Variants in CLIC4 observed in about 807,000 individuals in gnomAD.
CLIC4 encodes chloride intracellular channel protein 4.
CLIC4 carries 13 observed loss-of-function variants against 24.6 expected under a neutral mutation model. The observed-to-expected ratio is 0.53, with a 90% CI of 0.34 to 0.84. CLIC4 has a LOEUF of 0.84. Among genes scored for constraint, CLIC4 ranks in the 40% least tolerant of loss-of-function variants. The pLI, the probability that CLIC4 is intolerant of heterozygous loss-of-function variation, is 0.01. For synonymous variants in CLIC4, 104 were observed against 111.3 expected, an observed-to-expected ratio of 0.93 and a Z score of 0.41; for missense variants, 227 against 301.7, an observed-to-expected ratio of 0.75 and a Z score of 1.83.
chr1:24,816,376 A>AT (rs1639669267), intron 3 of CLIC4, among the ~76,000 whole-genome samples: 2 of 150,710 alleles, frequency 1.3e-5, no homozygotes. Flanking sequence ...AGTAGCTGGG[A>AT]TTACAGGTGC....
intron 1 of CLIC4, among the ~76,000 whole-genome samples, chr1:24,756,308 G>A (rs1245708939): frequency 6.6e-6 from 1 of 152,114 alleles, no homozygotes; most frequent in Non-Finnish European, 1.5e-5. Flanking sequence ...TAACATTAGT[G>A]TTTTGAAAAA....
intron 1 of CLIC4, chr1:24,771,858 A>G (rs1052606485): frequency 7.8e-6 from 4 of 514,698 alleles, no homozygotes; most frequent in South Asian, 5.6e-5. Flanking sequence ...TCCTATGTGT[A>G]TCCTAATTGA....
chr1:24,806,898 G>A lies in CLIC4; in HGVS notation c.183-7196G>A, dbSNP rs149710843. On this transcript the variant is annotated intron_variant, in intron 2 of 5. Transcript: ENST00000374379. ...TTGTAATTTACTTAGTCATGTAGCTGGTAAATGGTAGAGCTTTTCCATTTG... is the reference window on the plus strand; with the variant it reads ...TTGTAATTTACTTAGTCATGTAGCTAGTAAATGGTAGAGCTTTTCCATTTG... Among the ~76,000 whole-genome samples, 36 of 152,306 alleles carry A rather than the reference G, an allele frequency of 2.4e-4. No individual in the cohort carries two copies. The East Asian group carries it at 5.0e-3, about 21-fold the overall frequency.
intron 1 of CLIC4, among the ~76,000 whole-genome samples, chr1:24,796,327 T>C (rs533011307): frequency 2.0e-4 from 30 of 152,278 alleles, no homozygotes; most frequent in African/African-American, 7.0e-4. Context: ...TAGCTGGGAC[T>C]GCAGGCGCGT....
chr1:24,756,687 CAAAACCAAACAATCAGATGA>C (rs1268064606), intron 1 of CLIC4, among the ~76,000 whole-genome samples: 1 of 151,928 alleles, frequency 6.6e-6, no homozygotes, highest in Non-Finnish European at 1.5e-5. Context: ...TTGAAGAATA[CAAAACCAAACAATCAGATGA>C]AAGCTGAGGT....
At chr1:24,788,515 T>C (rs186397013) in intron 1 of CLIC4, among the ~76,000 whole-genome samples, 1 of 152,344 alleles carries the variant, frequency 6.6e-6, no homozygotes, top group East Asian at 1.9e-4. Context: ...AAGTCCGTTA[T>C]AGTTGTCCCT....
chr1:24,759,128 T>G (rs1031256438), intron 1 of CLIC4, among the ~76,000 whole-genome samples: 1 of 152,216 alleles, frequency 6.6e-6, no homozygotes, highest in Non-Finnish European at 1.5e-5. Context: ...CTTGTGCTCT[T>G]TAGGAGAAAT....
chr1:24,788,287 G>T (rs1479602377), intron 1 of CLIC4, among the ~76,000 whole-genome samples: 1 of 152,170 alleles, frequency 6.6e-6, no homozygotes, highest in South Asian at 2.1e-4. Context: ...ACCACGCCTG[G>T]CCACCAGGTT....
At chr1:24,775,736 T>C (rs949795652) in intron 1 of CLIC4, among the ~76,000 whole-genome samples, 1 of 151,926 alleles carries the variant, frequency 6.6e-6, no homozygotes. Flanking sequence ...TATTTTTCTT[T>C]CGTTATTTGA....
In CLIC4 at chr1:24,842,426, GTGCTAT is replaced by G. The variant is rs1284792991; in HGVS notation, c.*1491_*1496del. 1 of 152,074 alleles carries G rather than the reference GTGCTAT, an allele frequency of 6.6e-6. No individual in the cohort carries two copies. Among genetic ancestry groups the G allele is most frequent in the Non-Finnish European group, 1.5e-5 (1 of 68,002 alleles). The allele number at this position is 152,074 out of a possible 1,614,324, so 9.4% of individuals were successfully genotyped here. A position where few individuals can be genotyped will look rare whatever the true frequency, so the allele number is the denominator to read the frequency against. On this transcript the variant is annotated 3_prime_UTR_variant, in exon 6 of 6. Coordinates refer to ENST00000374379, the MANE Select transcript of CLIC4 (RefSeq NM_013943.3). ...TTTTTATACCTAATTTGTATAGGAAGTGCTATTTCTCATAGGCTGTTTCTTGAAATT... is the reference window on the plus strand; with the variant it reads ...TTTTTATACCTAATTTGTATAGGAAGTTCTCATAGGCTGTTTCTTGAAATT...
At chr1:24,803,433 G>C (rs568795462) in intron 2 of CLIC4, among the ~76,000 whole-genome samples, 1 of 152,234 alleles carries the variant, frequency 6.6e-6, no homozygotes, top group African/African-American at 2.4e-5. Context: ...TCTAGTTCTG[G>C]CACTGTATGA....
intron 4 of CLIC4, among the ~76,000 whole-genome samples, chr1:24,833,443 C>G (rs1571267090): frequency 2.1e-4 from 1 of 4,858 alleles, no homozygotes; most frequent in African/African-American, 2.9e-4. Context: ...GGCTGACCCC[C>G]CCTCCCCCCT....
At chr1:24,789,002 T>C (rs575810455) in intron 1 of CLIC4, among the ~76,000 whole-genome samples, 1 of 152,362 alleles carries the variant, frequency 6.6e-6, no homozygotes, top group Non-Finnish European at 1.5e-5. Flanking sequence ...TTCCATCCTC[T>C]GTTGGTGGTC....
At chr1:24,765,139 T>C (rs532601215) in intron 1 of CLIC4, among the ~76,000 whole-genome samples, 1 of 152,364 alleles carries the variant, frequency 6.6e-6, no homozygotes, top group African/African-American at 2.4e-5. Context: ...ACTGTTCCCA[T>C]TGACTGTTTT....
intron 3 of CLIC4, among the ~76,000 whole-genome samples, chr1:24,816,279 G>A (rs532991851): frequency 6.5e-4 from 58 of 89,536 alleles, no homozygotes; most frequent in African/African-American, 2.2e-3. Flanking sequence ...CGTTCTTATC[G>A]CCCAGGCTGG....
intron 1 of CLIC4, among the ~76,000 whole-genome samples, chr1:24,757,040 C>T (rs1432679876): frequency 6.6e-6 from 1 of 152,182 alleles, no homozygotes; most frequent in Non-Finnish European, 1.5e-5. Flanking sequence ...AGATTACAGG[C>T]ATGCACCACC....
intron 3 of CLIC4, among the ~76,000 whole-genome samples, chr1:24,820,063 G>A (rs1325035237): frequency 8.9e-5 from 1 of 11,208 alleles, no homozygotes; most frequent in Non-Finnish European, 2.1e-4. Flanking sequence ...AAAAAAAAAA[G>A]TATGTATATA....
intron 1 of CLIC4, among the ~76,000 whole-genome samples, chr1:24,786,020 A>T (rs1236542651): frequency 6.6e-6 from 1 of 152,204 alleles, no homozygotes; most frequent in African/African-American, 2.4e-5. Flanking sequence ...AGATGAATTC[A>T]TACTAAAGGT....
chr1:24,750,474 T>C (rs1223772660), intron 1 of CLIC4, among the ~76,000 whole-genome samples: 1 of 151,022 alleles, frequency 6.6e-6, no homozygotes, highest in Non-Finnish European at 1.5e-5. Context: ...TTCGCTCTTG[T>C]TACCCCTCAG....
Sources: allele counts gnomAD v4.1 joint callset (sites outside exome capture counted in the v4.1 genomes callset), GRCh38; gene constraint gnomAD v4.1.1; transcripts MANE v1.5; gene names NCBI Gene and HGNC (gene_info 2026-07-23, HGNC 2026-07-21).